SNTB2: variants seen among roughly 807,000 people sequenced by gnomAD.
SNTB2 encodes the protein syntrophin beta 2, also known as beta-2-syntrophin.
Under a neutral mutation model 46.2 loss-of-function variants are expected in SNTB2, and 34 were observed. The ratio of observed to expected loss-of-function variants is 0.74; its 90% CI spans 0.56 to 0.98. The LOEUF (loss-of-function observed/expected upper bound fraction) is 0.98. Among genes scored for constraint, SNTB2 ranks in the 50% least tolerant of loss-of-function variants. The probability of loss-of-function intolerance (pLI) is 0.00; values close to 1 mark genes in which losing one functional copy is unlikely to be tolerated. For synonymous variants in SNTB2, 290 were observed against 312.6 expected (o/e 0.93, Z 0.76); for missense variants, 603 against 731.4 (o/e 0.82, Z 2.02).
Position 69,297,756 on chromosome 16 carries a change from G to A in SNTB2, c.1346-1834G>A, listed in dbSNP as rs1965241913. 2.0e-5 allele frequency among the ~76,000 whole-genome samples: 3 copies of A among 151,528 alleles called. No individual in the cohort carries two copies. In the South Asian group the frequency reaches 6.3e-4, roughly 32 times the overall value. ...GTGAAACCCTGTCTCTACTAAAAAT[G>A]CAAAAAAATTAGCCGGGCGTGGTGG... is the stretch of plus-strand genomic sequence containing the variant. On this transcript the variant is annotated intron_variant, in intron 5 of 6. Transcript: ENST00000336278.
intron 1 of SNTB2, among the ~76,000 whole-genome samples, chr16:69,238,862 C>T (rs1411868656): frequency 6.6e-6 from 1 of 152,154 alleles, no homozygotes; most frequent in Non-Finnish European, 1.5e-5. Flanking sequence ...TTTGCCTTGG[C>T]CTTCTTTTAT....
rs552684102 is a variant in SNTB2 at position 69,275,789 on chromosome 16, G to A, written c.1148+5504G>A. 2.1e-4 allele frequency among the ~76,000 whole-genome samples: 32 copies of A among 152,246 alleles called. No homozygotes were observed. The South Asian group carries it at 6.0e-3, about 29-fold the overall frequency. On this transcript the variant is annotated intron_variant, in intron 4 of 6. Transcript: ENST00000336278. ...GGATGAGACAGAATAAAAAAGGATT[G>A]CATAAACACATAGGTAAGGAAAAGA...
At chr16:69,277,917 C>T (rs1295893332) in intron 4 of SNTB2, among the ~76,000 whole-genome samples, 7 of 152,210 alleles carry the variant, frequency 4.6e-5, no homozygotes, top group Non-Finnish European at 7.3e-5. Flanking sequence ...AGTGGTGGCT[C>T]ATGCCTGTAA....
chr16:69,258,473 C>T, intron 2 of SNTB2, among the ~76,000 whole-genome samples: 1 of 151,964 alleles, frequency 6.6e-6, no homozygotes, highest in East Asian at 1.9e-4. Context: ...AGCATTAATA[C>T]AGAACAGTTA....
intron 2 of SNTB2, among the ~76,000 whole-genome samples, chr16:69,249,023 C>CTTT (rs34530998): frequency 7.2e-5 from 9 of 125,832 alleles, no homozygotes; most frequent in Admixed American, 3.2e-4. Context: ...TCATTTCTTT[C>CTTT]TTTTTTTTTT....
At chr16:69,263,364 C>G (rs1393812311) in intron 3 of SNTB2, among the ~76,000 whole-genome samples, 1 of 152,002 alleles carries the variant, frequency 6.6e-6, no homozygotes, top group African/African-American at 2.4e-5. Context: ...CCCACCTTAG[C>G]CTCCCAAAGT....
intron 3 of SNTB2, among the ~76,000 whole-genome samples, 164 bp downstream of exon 3, chr16:69,260,424 CTACCTT>C (rs1405466791): frequency 1.3e-5 from 2 of 152,156 alleles, no homozygotes; most frequent in Middle Eastern, 3.2e-3. Flanking sequence ...TTTTCTCCTT[CTACCTT>C]TGTCTATTTG....
intron 1 of SNTB2, among the ~76,000 whole-genome samples, chr16:69,233,265 T>C (rs1964525057): frequency 6.6e-6 from 1 of 152,190 alleles, no homozygotes; most frequent in African/African-American, 2.4e-5. Flanking sequence ...AGAACTCAAA[T>C]TCAATTTGTG....
At chr16:69,264,990 C>T (rs1192600433) in intron 3 of SNTB2, among the ~76,000 whole-genome samples, 1 of 152,208 alleles carries the variant, frequency 6.6e-6, no homozygotes, top group Non-Finnish European at 1.5e-5. Context: ...TGGCTCATGC[C>T]TGTAATCCCA....
rs1965078506 is a variant in SNTB2, at chr16:69,284,254, C to T, written c.1345+10C>T. ...AAGGAAGTCTCTCTAGGTAGAGATG[C>T]TGACTTTTTATTTCTAGTAGTAATT... On this transcript the variant is annotated intron_variant, in intron 5 of 6. Coordinates refer to ENST00000336278, the MANE Select transcript of SNTB2 (RefSeq NM_006750.4). The T allele has an allele frequency of 1.9e-6, 3 of 1,586,278 alleles. No individual in the cohort carries two copies. The highest frequency in any genetic ancestry group is 2.6e-6 in the Non-Finnish European group (3 of 1,165,486).
At chr16:69,297,024 G>A (rs191409703) in intron 5 of SNTB2, among the ~76,000 whole-genome samples, 2 of 151,426 alleles carry the variant, frequency 1.3e-5, no homozygotes, top group Admixed American at 1.3e-4. Context: ...AAAATCTCAG[G>A]CCAGGTGCCG....
At chr16:69,214,094 A>T (rs1345612591) in intron 1 of SNTB2, among the ~76,000 whole-genome samples, 1 of 147,634 alleles carries the variant, frequency 6.8e-6, no homozygotes, top group Non-Finnish European at 1.5e-5. Flanking sequence ...AAGTGCTGGG[A>T]TTACAGGCGT....
At chr16:69,284,007 A>G in intron 4 of SNTB2, 41 bp from the exon 5 acceptor site, 2 of 1,516,154 alleles carry the variant, frequency 1.3e-6, no homozygotes, top group East Asian at 2.3e-5. Flanking sequence ...TTTGTCTGAT[A>G]ATGTAGTTAC....
chr16:69,258,605 C>CTTTTTTTTTTTTTTTTTTT (rs67116274), intron 2 of SNTB2, among the ~76,000 whole-genome samples: 1 of 83,502 alleles, frequency 1.2e-5, no homozygotes, highest in Non-Finnish European at 2.3e-5. Context: ...CTTGTTCTTT[C>CTTTTTTTTTTTTTTTTTTT]TTTTTTTTTT....
Position 69,187,497 on chromosome 16 carries a change from C to T in SNTB2, c.331C>T (p.Pro111Ser). The stretch of plus-strand genomic sequence containing the variant: ...CCCCGCGGGTGAGGCGGGCGCGTCG[C>T]CGCCCGTGCGCCGGGTGCGGGTGGT... Reference protein sequence around the residue: ...RGPAGEAGASPPVRRVRVVKQ... With the variant: ...RGPAGEAGASSPVRRVRVVKQ... The change falls in exon 1 of 7, where the codon CCG becomes TCG. Residue 111 changes from proline (P) to serine (S), a missense_variant. By Grantham distance (74) the Pro-to-Ser change is moderately conservative. Around this residue, in one of 2 missense-constraint regions of SNTB2, gnomAD observed 537 missense variants for 692.4 expected, o/e 0.78. Coordinates refer to ENST00000336278, the MANE Select transcript of SNTB2 (RefSeq NM_006750.4). 1 of 1,257,514 alleles carries T rather than the reference C, an allele frequency of 8.0e-7. No homozygotes were observed. 77.9% of individuals were successfully genotyped at this position (1,257,514 alleles called of 1,614,324 possible).
chr16:69,260,290 C>T (rs1298951817), intron 3 of SNTB2, 30 bp downstream of exon 3: 1 of 1,602,990 alleles, frequency 6.2e-7, no homozygotes, highest in Admixed American at 1.7e-5. Context: ...AGAGTATCAC[C>T]TGGTTCCCAT....
chr16:69,300,729 C>G (rs1366175848), intron 6 of SNTB2, 103 bp from the exon 7 acceptor site: 1 of 795,222 alleles, frequency 1.3e-6, no homozygotes, highest in African/African-American at 1.7e-5. Flanking sequence ...TTCCATAGCT[C>G]TGGCACATTC....
At position 69,241,149 on chromosome 16, in the gene SNTB2, C is replaced by T. The variant is rs909488293; in HGVS notation, c.581-4453C>T. Among the ~76,000 whole-genome samples, 125 of 145,868 alleles carry T rather than the reference C, an allele frequency of 8.6e-4. 1 individual carries two copies. The highest frequency in any genetic ancestry group is 1.3e-3 in the Admixed American group (19 of 14,352). ...TGCTGGGATTACAGGTATGAGCCAC[C>T]GTGCCCGGCCTGGATAAGCTTTTTT... On this transcript the variant is annotated intron_variant, in intron 1 of 6. Transcript: ENST00000336278.
chr16:69,231,482 G>A (rs761474712), intron 1 of SNTB2, among the ~76,000 whole-genome samples: 3 of 152,090 alleles, frequency 2.0e-5, no homozygotes, highest in African/African-American at 7.2e-5. Context: ...CCAGCTACTC[G>A]GGAGGCTGAG....
Sources: allele counts gnomAD v4.1 joint callset (sites outside exome capture counted in the v4.1 genomes callset), GRCh38; gene constraint gnomAD v4.1.1; regional missense constraint gnomAD v4.1.1; transcripts MANE v1.5; gene names NCBI Gene and HGNC (gene_info 2026-07-23, HGNC 2026-07-21).